Variants in OR11A1 observed in about 807,000 individuals in gnomAD.
OR11A1 encodes the protein olfactory receptor family 11 subfamily A member 1.
For missense variants in OR11A1, 380 were observed against 378.2 expected (o/e 1.00, Z -0.04); for synonymous variants, 158 against 152.2 (o/e 1.04, Z -0.28).
chr6:29,448,062 G>T (rs992551537), intron 1 of OR11A1, among the ~76,000 whole-genome samples: 12 of 140,278 alleles, frequency 8.6e-5, no homozygotes, highest in Non-Finnish European at 1.2e-4. Context: ...TGTCGCCCAG[G>T]CTGGAGTACA....
chr6:29,440,578 G>A, intron 1 of OR11A1: 1 of 1,613,918 alleles, frequency 6.2e-7, no homozygotes, highest in African/African-American at 1.3e-5. Context: ...CAGCTGGTAT[G>A]TGGAGACACC....
intron 1 of OR11A1, chr6:29,440,521 G>A (rs1784055202): frequency 1.2e-6 from 2 of 1,613,694 alleles, no homozygotes; most frequent in South Asian, 1.1e-5. Flanking sequence ...CCCTTCTGCG[G>A]CCCCAATACC....
chr6:29,452,470 T>G (rs1242326364), intron 1 of OR11A1, among the ~76,000 whole-genome samples: 3 of 151,876 alleles, frequency 2.0e-5, no homozygotes, highest in Non-Finnish European at 4.4e-5. Flanking sequence ...CATCATAAAC[T>G]GAGAAAAACA....
intron 1 of OR11A1, among the ~76,000 whole-genome samples, chr6:29,445,599 G>C (rs528983371): frequency 1.3e-5 from 2 of 152,304 alleles, no homozygotes; most frequent in Non-Finnish European, 1.5e-5. Context: ...CCCTGCATCA[G>C]CTCCTCCTGT....
chr6:29,430,410 T>C lies in OR11A1; in HGVS notation c.-249A>G. On this transcript the variant is annotated 5_prime_UTR_variant, in exon 3 of 5. Transcript: ENST00000377149. ...TCCAAACTCATTCTGAGGCTTGGAG[T>C]CTTTCTATAGGATTCCTGCCAGGAG... 2.0e-6 allele frequency: 2 copies of C among 985,366 alleles called. No homozygotes were observed. The highest frequency in any genetic ancestry group is 2.4e-6 in the Non-Finnish European group (2 of 829,930). 61.0% of individuals were successfully genotyped at this position (985,366 alleles called of 1,614,324 possible).
rs16894902 is a variant in OR11A1 at position 29,428,135 on chromosome 6, C to T, written c.-91-403G>A. On this transcript the variant is annotated intron_variant, in intron 4 of 4. Coordinates refer to ENST00000377149, the MANE Select transcript of OR11A1 (RefSeq NM_001394828.1). ...GAGTGGTTTGAGAATTCTGTCTAATCCCCATGGTCACTATCTCATTCTTCT... is the reference window on the plus strand; with the variant it reads ...GAGTGGTTTGAGAATTCTGTCTAATTCCCATGGTCACTATCTCATTCTTCT... 5,241 of 635,384 alleles carry T rather than the reference C, an allele frequency of 8.2e-3. 89 individuals are homozygous for T. The highest frequency in any genetic ancestry group is 0.042 in the African/African-American group (2,129 of 50,548). 39.4% of individuals were successfully genotyped at this position (635,384 alleles called of 1,614,324 possible).
intron 1 of OR11A1, among the ~76,000 whole-genome samples, chr6:29,443,844 C>CTGT (rs966510239): frequency 3.1e-4 from 47 of 152,044 alleles, no homozygotes; most frequent in Non-Finnish European, 1.8e-4. Flanking sequence ...GTCTCACTTG[C>CTGT]TGTTGTTGTT....
intron 1 of OR11A1, among the ~76,000 whole-genome samples, chr6:29,456,271 C>A (rs1039797512): frequency 4.7e-5 from 7 of 149,088 alleles, no homozygotes; most frequent in African/African-American, 1.7e-4. Context: ...GCCTGTAATC[C>A]CAGCACTTTG....
chr6:29,437,519 G>C (rs1783728648), intron 1 of OR11A1, among the ~76,000 whole-genome samples: 2 of 152,246 alleles, frequency 1.3e-5, no homozygotes, highest in South Asian at 4.2e-4. Flanking sequence ...TTTTGTTGAT[G>C]ACGTAGGATC....
At position 29,426,753 on chromosome 6, in the gene OR11A1, C is replaced by T. The variant is rs1782838220; in HGVS notation, c.889G>A (p.Glu297Lys). 1 of 1,613,010 alleles carries T rather than the reference C, an allele frequency of 6.2e-7. No individual in the cohort carries two copies. Among genetic ancestry groups the T allele is most frequent in the Non-Finnish European group, 8.5e-7 (1 of 1,180,004 alleles). The change falls in exon 5 of 5, where the codon GAG becomes AAG. Residue 297 changes from glutamate to lysine, a missense_variant. Physicochemically the swap from Glu to Lys is moderately conservative, Grantham distance 56. Coordinates refer to ENST00000377149, the MANE Select transcript of OR11A1 (RefSeq NM_001394828.1). ...ATCTTCCGAAGTGCCTGATGCACCT[C>T]CTTGTTCCTCATGGTATAGATCACA... is the stretch of plus-strand genomic sequence containing the variant. ...NPVIYTMRNK[E>K]VHQALRKILC... is the part of the protein sequence containing the mutation.
In OR11A1 at chr6:29,453,508, A is replaced by G. The variant is rs1480112480; in HGVS notation, c.-389+3479T>C. Among the ~76,000 whole-genome samples, 1 of 152,190 alleles carries G rather than the reference A, an allele frequency of 6.6e-6. No homozygotes were observed. Among genetic ancestry groups the G allele is most frequent in the East Asian group, 1.9e-4 (1 of 5,200 alleles). On this transcript the variant is annotated intron_variant, in intron 1 of 4. Transcript: ENST00000377149. The surrounding 1 kb of genome is among the most constrained non-coding windows in gnomAD (Gnocchi z 4.5). ...TCAGGAATGGCCATGAAAATCAACA[A>G]TTACACTATTAAAGAGGGTTGAGAT...
At chr6:29,448,369 G>T (rs1785000043) in intron 1 of OR11A1, among the ~76,000 whole-genome samples, 1 of 152,102 alleles carries the variant, frequency 6.6e-6, no homozygotes, top group Admixed American at 6.5e-5. Context: ...GTACAGAAAG[G>T]ACTACTGGGG....
At chr6:29,440,873 C>T in intron 1 of OR11A1, 1 of 1,613,922 alleles carries the variant, frequency 6.2e-7, no homozygotes, top group Non-Finnish European at 8.5e-7. Flanking sequence ...TCCTCAACCC[C>T]ATCATCTACA....
In OR11A1 at chr6:29,426,734, C is replaced by T. The variant is rs756409417; in HGVS notation, c.908G>A (p.Arg303Gln). The T allele has an allele frequency of 1.1e-5, 17 of 1,612,314 alleles. No homozygotes were observed. The highest frequency in any genetic ancestry group is 5.0e-5 in the Admixed American group (3 of 59,886). Residue 303 changes from arginine (R) to glutamine (Q), a missense_variant, in exon 5 of 5, where the codon CGG (arginine) becomes CAG (glutamine). By Grantham distance (43) the Arg-to-Gln change is conservative (BLOSUM62 1). Coordinates refer to ENST00000377149, the MANE Select transcript of OR11A1 (RefSeq NM_001394828.1). ...MRNKEVHQAL[R>Q]KILCIKQTET... Reference sequence around the variant, plus strand: ...AGTTTGTTTGATACAGAGAATCTTCCGAAGTGCCTGATGCACCTCCTTGTT... The same window carrying T: ...AGTTTGTTTGATACAGAGAATCTTCTGAAGTGCCTGATGCACCTCCTTGTT...
intron 1 of OR11A1, among the ~76,000 whole-genome samples, chr6:29,451,565 G>C (rs1785385602): frequency 6.6e-6 from 1 of 152,118 alleles, no homozygotes; most frequent in Non-Finnish European, 1.5e-5. Flanking sequence ...CATACATGTA[G>C]CCAAGAAGCA....
intron 1 of OR11A1, among the ~76,000 whole-genome samples, chr6:29,447,203 A>T (rs933917825): frequency 6.6e-6 from 1 of 152,232 alleles, no homozygotes; most frequent in Non-Finnish European, 1.5e-5. Context: ...AAAGAATACA[A>T]ATGATAAACA....
chr6:29,438,943 G>A (rs986947949), intron 1 of OR11A1, among the ~76,000 whole-genome samples: 3 of 152,234 alleles, frequency 2.0e-5, no homozygotes, highest in Non-Finnish European at 4.4e-5. Flanking sequence ...AGCCCCCAGA[G>A]GAGAATGAAC....
chr6:29,428,625 C>A (rs544743991), intron 4 of OR11A1, among the ~76,000 whole-genome samples: 29 of 151,856 alleles, frequency 1.9e-4, no homozygotes, highest in African/African-American at 7.0e-4. Flanking sequence ...GGCGTGGTGG[C>A]GGGCGCCTGT....
intron 3 of OR11A1, among the ~76,000 whole-genome samples, chr6:29,429,361 TA>T (rs1349828611): frequency 6.6e-6 from 1 of 152,192 alleles, no homozygotes; most frequent in African/African-American, 2.4e-5. Context: ...CCCCCTTGAC[TA>T]ATAGAGCCCT....
Sources: allele counts gnomAD v4.1 joint callset (sites outside exome capture counted in the v4.1 genomes callset), GRCh38; gene constraint gnomAD v4.1.1; non-coding constraint Gnocchi (gnomAD v3.1); transcripts MANE v1.5; gene names NCBI Gene and HGNC (gene_info 2026-07-23, HGNC 2026-07-21).